The following CDYL variants were observed in gnomAD, a reference collection of about 807,000 sequenced individuals.
CDYL encodes chromodomain Y like, also known as chromodomain Y-like protein.
Under a neutral mutation model 47.3 loss-of-function variants are expected in CDYL, and 8 were observed. The observed-to-expected ratio is 0.17, with a 90% CI of 0.10 to 0.31. The LOEUF is 0.31. Ranked by LOEUF, CDYL falls within the 10% of genes least tolerant of loss-of-function variation. The probability of loss-of-function intolerance (pLI) is 1.00; values close to 1 mark genes in which losing one functional copy is unlikely to be tolerated. For missense variants in CDYL, 471 were observed against 701.4 expected, an observed-to-expected ratio of 0.67 and a Z score of 3.71; for synonymous variants, 266 against 265.0, an observed-to-expected ratio of 1.00 and a Z score of -0.04.
intron 1 of CDYL, among the ~76,000 whole-genome samples, chr6:4,783,732 G>C (rs995117726): frequency 6.6e-6 from 1 of 152,154 alleles, no homozygotes; most frequent in Non-Finnish European, 1.5e-5. Flanking sequence ...ACTGTTGTCA[G>C]CATAGGTGCA....
chr6:4,939,098 C>T lies in CDYL; in HGVS notation c.1121+1361C>T, dbSNP rs113232099. Among the ~76,000 whole-genome samples the T allele has an allele frequency of 2.7e-3, 417 of 152,242 alleles. 2 individuals are homozygous for T. Among genetic ancestry groups the T allele is most frequent in the African/African-American group, 7.2e-3 (300 of 41,538 alleles). On this transcript the variant is annotated intron_variant, in intron 4 of 6. Transcript: ENST00000397588. ...ACAGAGGATGAAAAATGAAAGAAAA[C>T]GTAGACTGGCAAAATGGCAGTAAAG...
intron 1 of CDYL, among the ~76,000 whole-genome samples, chr6:4,801,418 T>A (rs1452656509): frequency 6.6e-6 from 1 of 152,234 alleles, no homozygotes; most frequent in Non-Finnish European, 1.5e-5. Flanking sequence ...AGATTTCCTA[T>A]TTTTTTCTTG....
At chr6:4,923,887 T>A (rs74879659) in intron 2 of CDYL, among the ~76,000 whole-genome samples, 1 of 115,744 alleles carries the variant, frequency 8.6e-6, no homozygotes, top group African/African-American at 3.5e-5. Flanking sequence ...GGTGACAGAG[T>A]GAGACTCCGT....
At chr6:4,780,079 A>G (rs1337931749) in intron 1 of CDYL, among the ~76,000 whole-genome samples, 2 of 152,132 alleles carry the variant, frequency 1.3e-5, no homozygotes, top group South Asian at 2.1e-4. Context: ...TAGGTGATCA[A>G]CTGTCATAGT....
At chr6:4,936,194 C>T (rs1318451547) in intron 3 of CDYL, among the ~76,000 whole-genome samples, 1 of 152,184 alleles carries the variant, frequency 6.6e-6, no homozygotes, top group African/African-American at 2.4e-5. Context: ...CCCCGGGGAT[C>T]CCAGTCCCTT....
intron 2 of CDYL, among the ~76,000 whole-genome samples, chr6:4,719,338 G>A (rs970421850): frequency 4.6e-5 from 7 of 152,164 alleles, no homozygotes; most frequent in Admixed American, 1.3e-4. Context: ...GGATTACTAG[G>A]TCGAAAGATG....
At chr6:4,858,503 C>A (rs530605201) in intron 1 of CDYL, among the ~76,000 whole-genome samples, 2 of 152,306 alleles carry the variant, frequency 1.3e-5, no homozygotes, top group African/African-American at 4.8e-5. Flanking sequence ...CCAGAGCTCA[C>A]GGAGCTTAAG....
intron 3 of CDYL, among the ~76,000 whole-genome samples, chr6:4,737,071 A>T (rs1164797702): frequency 6.6e-6 from 1 of 152,212 alleles, no homozygotes; most frequent in Non-Finnish European, 1.5e-5. Context: ...GGAAATTGAG[A>T]GGAAAAGAAG....
At chr6:4,794,669 G>A (rs1312841926) in intron 1 of CDYL, among the ~76,000 whole-genome samples, 4 of 152,138 alleles carry the variant, frequency 2.6e-5, no homozygotes, top group African/African-American at 9.7e-5. Context: ...GAAGAGCATG[G>A]GGTGCATGTC....
chr6:4,900,516 G>A (rs188264431), intron 2 of CDYL, among the ~76,000 whole-genome samples: 1 of 151,248 alleles, frequency 6.6e-6, no homozygotes, highest in African/African-American at 2.4e-5. Flanking sequence ...AGAGTTAGTC[G>A]GCAACTTGCT....
At chr6:4,944,346 G>A (rs978420297) in intron 5 of CDYL, among the ~76,000 whole-genome samples, 1 of 152,218 alleles carries the variant, frequency 6.6e-6, no homozygotes, top group Non-Finnish European at 1.5e-5. Flanking sequence ...GTCAGTACCT[G>A]TGGAAGGGAT....
At chr6:4,921,272 C>G (rs1460512880) in intron 2 of CDYL, among the ~76,000 whole-genome samples, 1 of 152,202 alleles carries the variant, frequency 6.6e-6, no homozygotes. Flanking sequence ...GACTAAGCCT[C>G]GTTTTCTCTC....
chr6:4,944,849 G>A (rs1332261495), intron 5 of CDYL, among the ~76,000 whole-genome samples: 2 of 152,150 alleles, frequency 1.3e-5, no homozygotes, highest in African/African-American at 2.4e-5. Context: ...CCACCTTGCC[G>A]AGTGGTCAGA....
intron 1 of CDYL, among the ~76,000 whole-genome samples, chr6:4,829,100 A>AT: frequency 6.6e-6 from 1 of 152,180 alleles, no homozygotes; most frequent in South Asian, 2.1e-4. Context: ...TTATTTTATT[A>AT]TTTTGAATGA....
intron 1 of CDYL, among the ~76,000 whole-genome samples, chr6:4,710,699 T>C (rs555708695): frequency 4.6e-5 from 7 of 152,218 alleles, no homozygotes; most frequent in African/African-American, 1.7e-4. Flanking sequence ...CTCCCGTCTT[T>C]ATTCTCTGCT....
intron 3 of CDYL, among the ~76,000 whole-genome samples, chr6:4,758,299 A>G (rs971256597): frequency 2.0e-5 from 3 of 150,942 alleles, no homozygotes; most frequent in Non-Finnish European, 4.4e-5. Context: ...AGATTACGCC[A>G]CTGCACTCCA....
At chr6:4,826,590 G>A (rs890000846) in intron 1 of CDYL, among the ~76,000 whole-genome samples, 4 of 152,006 alleles carry the variant, frequency 2.6e-5, no homozygotes, top group Admixed American at 2.6e-4. Flanking sequence ...ACTTTCCCTT[G>A]TGATTTCTTT....
intron 2 of CDYL, among the ~76,000 whole-genome samples, chr6:4,729,005 C>A (rs1377857073): frequency 6.6e-6 from 1 of 152,152 alleles, no homozygotes; most frequent in African/African-American, 2.4e-5. Flanking sequence ...AAAGATCTTT[C>A]CTCCCAGGTC....
intron 1 of CDYL, among the ~76,000 whole-genome samples, chr6:4,787,166 T>G (rs1711968852): frequency 6.6e-6 from 1 of 152,246 alleles, no homozygotes; most frequent in Admixed American, 6.5e-5. Context: ...CTCTCTCATA[T>G]GCAGATGAGC....
Sources: allele counts gnomAD v4.1 joint callset (sites outside exome capture counted in the v4.1 genomes callset), GRCh38; gene constraint gnomAD v4.1.1; transcripts MANE v1.5; gene names NCBI Gene and HGNC (gene_info 2026-07-23, HGNC 2026-07-21).